The following TRPC4 variants were observed in gnomAD, a reference collection of about 807,000 sequenced individuals.
TRPC4 encodes the protein short transient receptor potential channel 4.
TRPC4 carries 49 observed loss-of-function variants against 99.4 expected under a neutral mutation model. The observed-to-expected ratio is 0.49, with a 90% CI of 0.39 to 0.63. The LOEUF (loss-of-function observed/expected upper bound fraction) is 0.63, where lower values mean the gene tolerates loss of function less well. Ranked by LOEUF, TRPC4 falls within the 20% of genes least tolerant of loss-of-function variation. The pLI is 0.00. For synonymous variants in TRPC4, 454 were observed against 425.9 expected (o/e 1.07, Z -0.81); for missense variants, 898 against 1,152.9 (o/e 0.78, Z 3.20).
chr13:37,803,120 C>T (rs1593778846), intron 1 of TRPC4, among the ~76,000 whole-genome samples: 2 of 152,078 alleles, frequency 1.3e-5, no homozygotes, highest in South Asian at 2.1e-4. Flanking sequence ...CAGGTTGGCA[C>T]GAGTGTTCTT....
intron 3 of TRPC4, among the ~76,000 whole-genome samples, chr13:37,734,970 G>T (rs1320819327): frequency 6.6e-6 from 1 of 151,932 alleles, no homozygotes; most frequent in East Asian, 1.9e-4. Context: ...AAGGGAATAG[G>T]GTGTGAAACA....
At chr13:37,661,690 T>C (rs1952443607) in intron 6 of TRPC4, among the ~76,000 whole-genome samples, 1 of 152,034 alleles carries the variant, frequency 6.6e-6, no homozygotes, top group South Asian at 2.1e-4. Flanking sequence ...CAGACAAAGA[T>C]TGTTAGAGCA....
chr13:37,828,089 C>T (rs1197822062), intron 1 of TRPC4, among the ~76,000 whole-genome samples: 4 of 152,226 alleles, frequency 2.6e-5, no homozygotes, highest in Non-Finnish European at 5.9e-5. Flanking sequence ...TCCCTGACCC[C>T]TTGAGCTTCC....
intron 1 of TRPC4, among the ~76,000 whole-genome samples, chr13:37,830,095 T>C (rs658545): frequency 0.01 from 1,581 of 152,224 alleles, 26 homozygotes; most frequent in African/African-American, 0.036. Context: ...ATGATGACTA[T>C]ATTAAAAACT....
At chr13:37,824,632 C>A (rs1313824677) in intron 1 of TRPC4, among the ~76,000 whole-genome samples, 1 of 151,984 alleles carries the variant, frequency 6.6e-6, no homozygotes, top group Admixed American at 6.6e-5. Flanking sequence ...CCCACTTGAC[C>A]ATGGTGGATA....
At chr13:37,842,049 C>T (rs1958744103) in intron 1 of TRPC4, among the ~76,000 whole-genome samples, 1 of 151,868 alleles carries the variant, frequency 6.6e-6, no homozygotes. Context: ...GTGGGTGGAT[C>T]ACTTGAGGTC....
At chr13:37,674,112 G>A in intron 5 of TRPC4, 116 bp downstream of exon 5, 1 of 965,886 alleles carries the variant, frequency 1.0e-6, no homozygotes, top group Non-Finnish European at 1.4e-6. Context: ...ATGAGCTGAT[G>A]AATACGACAT....
chr13:37,802,240 A>G (rs929132957), intron 1 of TRPC4, among the ~76,000 whole-genome samples: 13 of 152,076 alleles, frequency 8.5e-5, no homozygotes, highest in Admixed American at 2.0e-4. Context: ...AAAATTAGGA[A>G]ATTAGTTTTG....
chr13:37,638,939 T>A (rs2138527746), intron 10 of TRPC4, 101 bp downstream of exon 10: 2 of 1,239,050 alleles, frequency 1.6e-6, no homozygotes, highest in African/African-American at 1.5e-5. Flanking sequence ...ACAGGCTTGC[T>A]GGAACACACA....
chr13:37,717,256 G>A (rs565279270), intron 3 of TRPC4, among the ~76,000 whole-genome samples: 22 of 152,168 alleles, frequency 1.4e-4, no homozygotes, highest in African/African-American at 2.4e-4. Context: ...AATAGATGAC[G>A]ATATCAGAAA....
At chr13:37,702,040 T>C (rs1032516684) in intron 3 of TRPC4, among the ~76,000 whole-genome samples, 8 of 152,176 alleles carry the variant, frequency 5.3e-5, no homozygotes, top group African/African-American at 1.9e-4. Flanking sequence ...GGGTAGAATC[T>C]TTCCTTGACT....
intron 3 of TRPC4, among the ~76,000 whole-genome samples, chr13:37,736,770 C>A (rs1955407484): frequency 6.6e-6 from 1 of 151,910 alleles, no homozygotes; most frequent in South Asian, 2.1e-4. Context: ...ACTCTGTCAC[C>A]CAGGCTGAAG....
At chr13:37,831,130 T>C (rs1958411155) in intron 1 of TRPC4, among the ~76,000 whole-genome samples, 1 of 152,124 alleles carries the variant, frequency 6.6e-6, no homozygotes, top group African/African-American at 2.4e-5. Flanking sequence ...CTATTTTTGC[T>C]TTTGTTGCCT....
In TRPC4 at chr13:37,637,128, ACT is replaced by A. The variant is rs759819042; in HGVS notation, c.2707_2708del (p.Ser903Ter). On this transcript the variant is annotated frameshift_variant, in exon 11 of 11. Transcript: ENST00000379705. LOFTEE classifies it high-confidence loss of function. ...TATGGTCTACTAACACACATTGTTC[ACT>A]GAGACCGGGAATGCTCAGGTCACCC... ...SRGDLSIPGL[S>X]EQCVLVDHRE... 1 of 1,613,740 alleles carries A rather than the reference ACT, an allele frequency of 6.2e-7. No homozygotes were observed. Among genetic ancestry groups the A allele is most frequent in the South Asian group, 1.1e-5 (1 of 91,058 alleles).
At chr13:37,746,514 T>C in intron 2 of TRPC4, 59 bp from the exon 3 acceptor site, 1 of 1,521,472 alleles carries the variant, frequency 6.6e-7, no homozygotes, top group Non-Finnish European at 8.8e-7. Context: ...GTCTGTGAAT[T>C]TCATACACCA....
intron 3 of TRPC4, among the ~76,000 whole-genome samples, chr13:37,720,739 A>T (rs1593585818): frequency 6.6e-6 from 1 of 152,252 alleles, no homozygotes; most frequent in Non-Finnish European, 1.5e-5. Flanking sequence ...TCATTTGAAC[A>T]CCTATTTCCT....
intron 1 of TRPC4, among the ~76,000 whole-genome samples, chr13:37,832,814 G>T: frequency 6.6e-6 from 1 of 152,028 alleles, no homozygotes; most frequent in Non-Finnish European, 1.5e-5. Flanking sequence ...AAAGTAAAAA[G>T]GTGGAAAGGG....
intron 1 of TRPC4, among the ~76,000 whole-genome samples, chr13:37,786,344 AAGAG>A (rs902910537): frequency 2.0e-5 from 3 of 148,430 alleles, no homozygotes; most frequent in Non-Finnish European, 4.5e-5. Context: ...GTAGAGAAGA[AAGAG>A]AGAGAGAGAG....
chr13:37,838,991 G>T (rs1220847781), intron 1 of TRPC4, among the ~76,000 whole-genome samples: 1 of 152,160 alleles, frequency 6.6e-6, no homozygotes, highest in African/African-American at 2.4e-5. Flanking sequence ...ATGGACTCTG[G>T]TACATCTGAT....
Sources: allele counts gnomAD v4.1 joint callset (sites outside exome capture counted in the v4.1 genomes callset), GRCh38; gene constraint gnomAD v4.1.1; transcripts MANE v1.5; gene names NCBI Gene and HGNC (gene_info 2026-07-23, HGNC 2026-07-21).